Variants in CPLX1 observed in about 807,000 individuals in gnomAD.
CPLX1 encodes complexin-1.
In CPLX1, 6 loss-of-function variants were observed where a neutral mutation model predicts 15.6. That is an observed-to-expected ratio of 0.39 (90% CI 0.21 to 0.76). CPLX1 has a LOEUF of 0.76. Ranked by LOEUF, CPLX1 falls within the 30% of genes least tolerant of loss-of-function variation. The pLI is 0.43. For synonymous variants in CPLX1, 91 were observed against 75.2 expected (o/e 1.21, Z -1.08); for missense variants, 242 against 188.6 (o/e 1.28, Z -1.66).
intron 2 of CPLX1, among the ~76,000 whole-genome samples, chr4:795,416 C>T (rs1746304061): frequency 6.6e-6 from 1 of 152,194 alleles, no homozygotes; most frequent in Non-Finnish European, 1.5e-5. Flanking sequence ...AGGAGGGCGG[C>T]GCTGCGACCC....
chr4:786,184 G>T lies in CPLX1; in HGVS notation c.*317C>A, dbSNP rs1745980338. Reference sequence around the variant, plus strand: ...CCCACCGCCGCGAACGCGCGCACAGGGGTGGTCGCGGGGCTGCCCTTCGGC... The same window carrying T: ...CCCACCGCCGCGAACGCGCGCACAGTGGTGGTCGCGGGGCTGCCCTTCGGC... On this transcript the variant is annotated 3_prime_UTR_variant, in exon 4 of 4. Coordinates refer to ENST00000304062, the MANE Select transcript of CPLX1 (RefSeq NM_006651.4). The T allele has an allele frequency of 4.7e-6, 1 of 211,442 alleles. No individual in the cohort carries two copies. The highest frequency in any genetic ancestry group is 9.3e-6 in the Non-Finnish European group (1 of 107,232). 13.1% of individuals were successfully genotyped at this position (211,442 alleles called of 1,614,324 possible).
chr4:817,363 G>A (rs1301623950), intron 2 of CPLX1, among the ~76,000 whole-genome samples: 1 of 151,214 alleles, frequency 6.6e-6, no homozygotes. Flanking sequence ...AGACCAGCCT[G>A]GGCAACACAG....
intron 3 of CPLX1, chr4:788,400 T>G: frequency 1.0e-6 from 1 of 985,254 alleles, no homozygotes; most frequent in Non-Finnish European, 1.2e-6. Context: ...CCCAGCCGCC[T>G]GTGGCCAGAC....
In CPLX1 at chr4:786,415, G is replaced by T. The variant is rs1745989745; in HGVS notation, c.*86C>A. 3 of 1,413,614 alleles carry T rather than the reference G, an allele frequency of 2.1e-6. No individual in the cohort carries two copies. The highest frequency in any genetic ancestry group is 5.2e-5 in the East Asian group (2 of 38,504). 87.6% of individuals were successfully genotyped at this position (1,413,614 alleles called of 1,614,324 possible). On this transcript the variant is annotated 3_prime_UTR_variant, in exon 4 of 4. Transcript: ENST00000304062. ...TATGGCTTATATCGGCGTGGGGGCT[G>T]CGCTCTGCTCGTCCCTCAGGGGCCT...
At chr4:795,062 T>G (rs933183633) in intron 2 of CPLX1, among the ~76,000 whole-genome samples, 5 of 152,198 alleles carry the variant, frequency 3.3e-5, no homozygotes, top group African/African-American at 1.2e-4. Context: ...CCCCGCAGGC[T>G]GCAAAGCCAC....
chr4:795,145 C>G (rs1020344173), intron 2 of CPLX1, among the ~76,000 whole-genome samples: 5 of 152,248 alleles, frequency 3.3e-5, no homozygotes, highest in African/African-American at 9.6e-5. Flanking sequence ...CTTTTCGGCC[C>G]GGGTACTGCA....
chr4:824,303 G>T (rs556308371), intron 2 of CPLX1, among the ~76,000 whole-genome samples, 189 bp downstream of exon 2: 7 of 152,246 alleles, frequency 4.6e-5, no homozygotes, highest in Non-Finnish European at 1.0e-4. Context: ...TCGGGGCCTC[G>T]AAAAGGGCCG....
chr4:812,024 T>C (rs896454665), intron 2 of CPLX1, among the ~76,000 whole-genome samples: 2 of 152,214 alleles, frequency 1.3e-5, no homozygotes, highest in Admixed American at 1.3e-4. Flanking sequence ...ACTCAAGTTT[T>C]CTTCTTATTT....
intron 2 of CPLX1, among the ~76,000 whole-genome samples, chr4:802,675 C>A (rs146786382): frequency 6.6e-6 from 1 of 152,204 alleles, no homozygotes; most frequent in African/African-American, 2.4e-5. Flanking sequence ...AGCAGCTGGG[C>A]GTGGTGGCTC....
intron 2 of CPLX1, among the ~76,000 whole-genome samples, chr4:793,072 A>T (rs1252288428): frequency 1.3e-5 from 2 of 152,136 alleles, no homozygotes; most frequent in African/African-American, 4.8e-5. Flanking sequence ...TTGTGTGATC[A>T]GGCTTGTCGT....
At chr4:788,629 C>A in intron 3 of CPLX1, 2 of 979,672 alleles carry the variant, frequency 2.0e-6, no homozygotes, top group Non-Finnish European at 2.4e-6. Flanking sequence ...GATTGGTTCT[C>A]GTCCTAGCCA....
intron 3 of CPLX1, among the ~76,000 whole-genome samples, chr4:791,192 C>CGGGGAGCG (rs1488516278): frequency 1.5e-5 from 1 of 66,740 alleles, no homozygotes; most frequent in African/African-American, 4.9e-5. Flanking sequence ...GGGCGGGGAG[C>CGGGGAGCG]GGGGGGCGGA....
chr4:815,236 C>G (rs1288657705), intron 2 of CPLX1, among the ~76,000 whole-genome samples: 1 of 151,862 alleles, frequency 6.6e-6, no homozygotes, highest in African/African-American at 2.4e-5. Flanking sequence ...CATGGTGAAA[C>G]CCCGTCTCTA....
Position 786,665 on chromosome 4 carries a change from C to G in CPLX1, c.241G>C (p.Glu81Gln), listed in dbSNP as rs1746001437. The change falls in exon 4 of 4, where the codon GAG becomes CAG. Residue 81 changes from glutamate to glutamine, a missense_variant. By Grantham distance (29) the Glu-to-Gln change is conservative (BLOSUM62 2). Transcript: ENST00000304062. Reference sequence around the variant, plus strand: ...TTGGCCTCCATGGCGGCCTGGGCCTCGGCCTCGCGCTCCTCCTTCTTCTTG... The same window carrying G: ...TTGGCCTCCATGGCGGCCTGGGCCTGGGCCTCGCGCTCCTCCTTCTTCTTG... The part of the protein sequence containing the change: ...GIKKKEEREA[E>Q]AQAAMEANSE... 2.5e-6 allele frequency: 4 copies of G among 1,609,842 alleles called. No individual in the cohort carries two copies. Among genetic ancestry groups the G allele is most frequent in the African/African-American group, 1.3e-5 (1 of 74,562 alleles).
chr4:820,344 C>T (rs1176017625), intron 2 of CPLX1, among the ~76,000 whole-genome samples: 1 of 152,272 alleles, frequency 6.6e-6, no homozygotes, highest in Admixed American at 6.5e-5. Flanking sequence ...GCCTCAACCA[C>T]CAGGAGCCTG....
chr4:802,907 C>T (rs1197532204), intron 2 of CPLX1, among the ~76,000 whole-genome samples: 1 of 150,412 alleles, frequency 6.6e-6, no homozygotes. Context: ...GCCGAGACTG[C>T]GCCACTGTAC....
intron 3 of CPLX1, chr4:788,492 GA>G (rs1746068828): frequency 1.0e-6 from 1 of 985,338 alleles, no homozygotes; most frequent in Non-Finnish European, 1.2e-6. Flanking sequence ...ACAGAGCCGG[GA>G]CTCCAGGGGT....
At chr4:821,267 C>T (rs34006598) in intron 2 of CPLX1, among the ~76,000 whole-genome samples, 41,546 of 152,082 alleles carry the variant, frequency 0.27, 5,808 homozygotes, top group South Asian at 0.42. Context: ...CCTCCCCACA[C>T]GTGGCAGAGC....
intron 2 of CPLX1, among the ~76,000 whole-genome samples, chr4:799,287 C>G (rs910751605): frequency 1.3e-5 from 2 of 152,246 alleles, no homozygotes; most frequent in Non-Finnish European, 2.9e-5. Context: ...CCCTTTTCAT[C>G]GGTCGCATTT....
Sources: gnomAD v4.1 joint callset for allele counts (sites outside exome capture counted in the v4.1 genomes callset) on GRCh38, gnomAD v4.1.1 for gene constraint, MANE v1.5 for transcripts, NCBI Gene and HGNC (gene_info 2026-07-23, HGNC 2026-07-21) for gene names.